Variants in DCP1A observed in about 807,000 individuals in gnomAD.
DCP1A encodes mRNA-decapping enzyme 1A.
A neutral mutation model predicts 58.0 loss-of-function variants in DCP1A; 20 were observed. The observed-to-expected ratio is 0.34, with a 90% CI of 0.24 to 0.50. The LOEUF is 0.50. DCP1A is among the 20% of genes least tolerant of loss of function. The pLI, the probability that DCP1A is intolerant of heterozygous loss-of-function variation, is 0.98. For synonymous variants in DCP1A, 285 were observed against 275.1 expected, an observed-to-expected ratio of 1.04 and a Z score of -0.36; for missense variants, 613 against 712.2, an observed-to-expected ratio of 0.86 and a Z score of 1.59.
Position 53,304,306 on chromosome 3 carries a change from AGAAAAAAATATATCTTGT to A in DCP1A, c.511-34_511-17del, listed in dbSNP as rs1188268635. ...CCATCTGATTCTTTAAAAAGTTAAA[AGAAAAAAATATATCTTGT>A]GAAAAAAATTTGCTATTATTTGGCT... On this transcript the variant is annotated splice_polypyrimidine_tract_variant and intron_variant, in intron 5 of 9. Coordinates refer to ENST00000610213, the MANE Select transcript of DCP1A (RefSeq NM_018403.7). 20 of 1,582,362 alleles carry A rather than the reference AGAAAAAAATATATCTTGT, an allele frequency of 1.3e-5. No individual in the cohort carries two copies. In the African/African-American group the frequency reaches 2.6e-4, roughly 20 times the overall value.
intron 3 of DCP1A, among the ~76,000 whole-genome samples, chr3:53,323,584 G>A (rs1553690255): frequency 6.6e-6 from 1 of 152,072 alleles, no homozygotes; most frequent in Non-Finnish European, 1.5e-5. Flanking sequence ...TTTATGATAT[G>A]CGGCCGGGTG....
chr3:53,301,397 G>A (rs982672373), intron 6 of DCP1A, among the ~76,000 whole-genome samples: 12 of 151,848 alleles, frequency 7.9e-5, no homozygotes, highest in Admixed American at 5.3e-4. Flanking sequence ...TCAGCCTCCC[G>A]AATAGCTGGG....
At chr3:53,318,458 A>G (rs965894036) in intron 4 of DCP1A, among the ~76,000 whole-genome samples, 10 of 152,304 alleles carry the variant, frequency 6.6e-5, no homozygotes, top group Middle Eastern at 3.4e-3. Flanking sequence ...GGGGGGAGAG[A>G]GGTCCACATT....
intron 3 of DCP1A, among the ~76,000 whole-genome samples, chr3:53,337,060 TG>T (rs2089130128): frequency 6.6e-6 from 1 of 151,880 alleles, no homozygotes; most frequent in Non-Finnish European, 1.5e-5. Flanking sequence ...TTAGTAGAGA[TG>T]GGGTTTCGCC....
At chr3:53,295,727 G>A (rs1425176109) in intron 6 of DCP1A, among the ~76,000 whole-genome samples, 1 of 152,078 alleles carries the variant, frequency 6.6e-6, no homozygotes, top group Non-Finnish European at 1.5e-5. Context: ...GTGAGCCATT[G>A]AGCCCAGCAT....
At chr3:53,307,004 T>C (rs1299167723) in intron 5 of DCP1A, among the ~76,000 whole-genome samples, 1 of 148,626 alleles carries the variant, frequency 6.7e-6, no homozygotes, top group Non-Finnish European at 1.5e-5. Context: ...TGGCGCAATC[T>C]TGGCTCACTG....
chr3:53,292,919 T>A (rs1362414408), intron 6 of DCP1A, 92 bp from the exon 7 acceptor site: 1 of 1,305,280 alleles, frequency 7.7e-7, no homozygotes, highest in African/African-American at 1.5e-5. Context: ...TTTTGCAGAA[T>A]CAAGGATGGA....
intron 4 of DCP1A, among the ~76,000 whole-genome samples, chr3:53,318,909 C>G (rs1480141847): frequency 6.6e-6 from 1 of 152,144 alleles, no homozygotes; most frequent in African/African-American, 2.4e-5. Flanking sequence ...CTGCACAGAA[C>G]CTAAATCAGA....
intron 4 of DCP1A, among the ~76,000 whole-genome samples, chr3:53,317,928 T>A (rs1253629451): frequency 6.6e-6 from 1 of 152,202 alleles, no homozygotes; most frequent in East Asian, 1.9e-4. Flanking sequence ...CAGGACATGT[T>A]AGTAGTCTTA....
chr3:53,320,649 A>G (rs1553689810), intron 3 of DCP1A, among the ~76,000 whole-genome samples: 1 of 152,148 alleles, frequency 6.6e-6, no homozygotes, highest in Non-Finnish European at 1.5e-5. Flanking sequence ...GTTTCCTCCA[A>G]TGGTAACATT....
intron 4 of DCP1A, among the ~76,000 whole-genome samples, chr3:53,318,687 C>G (rs1707880954): frequency 1.3e-5 from 2 of 152,148 alleles, no homozygotes; most frequent in Non-Finnish European, 2.9e-5. Context: ...ATGAACTGCC[C>G]TTTAGAACAT....
chr3:53,333,556 C>T (rs1553691569), intron 3 of DCP1A, among the ~76,000 whole-genome samples: 2 of 152,006 alleles, frequency 1.3e-5, no homozygotes, highest in African/African-American at 2.4e-5. Context: ...GTAATCCTAG[C>T]ACTTTGGGAG....
At chr3:53,336,675 C>G (rs1404450844) in intron 3 of DCP1A, among the ~76,000 whole-genome samples, 1 of 152,114 alleles carries the variant, frequency 6.6e-6, no homozygotes, top group African/African-American at 2.4e-5. Context: ...ACATTTGCTT[C>G]TGCCAGATGC....
At chr3:53,322,450 T>C (rs1707996051) in intron 3 of DCP1A, among the ~76,000 whole-genome samples, 1 of 148,944 alleles carries the variant, frequency 6.7e-6, no homozygotes, top group African/African-American at 2.5e-5. Context: ...AAACTCTGTC[T>C]CAGAAAAAAA....
intron 5 of DCP1A, 57 bp from the exon 6 acceptor site, chr3:53,304,347 G>T: frequency 1.5e-6 from 2 of 1,316,348 alleles, no homozygotes; most frequent in Non-Finnish European, 2.2e-6. Context: ...CTATTATTTG[G>T]CTCACAAAAC....
rs371681909 is a variant in DCP1A at position 53,318,551 on chromosome 3, A to G, written c.371+856T>C. Reference sequence around the variant, plus strand: ...CTACCTATTATAGCATTTTGCCCAGAGCTCTGTAGTCCCTCAGGCCCCCTG... The same window carrying G: ...CTACCTATTATAGCATTTTGCCCAGGGCTCTGTAGTCCCTCAGGCCCCCTG... On this transcript the variant is annotated intron_variant, in intron 4 of 9. Transcript: ENST00000610213. Among the ~76,000 whole-genome samples the G allele has an allele frequency of 4.6e-5, 7 of 152,234 alleles. No individual in the cohort carries two copies. In the East Asian group the frequency reaches 1.4e-3, roughly 29 times the overall value.
At chr3:53,309,361 C>A (rs752660822) in intron 5 of DCP1A, among the ~76,000 whole-genome samples, 1 of 144,428 alleles carries the variant, frequency 6.9e-6, no homozygotes, top group Non-Finnish European at 1.5e-5. Flanking sequence ...CAGAGCGAGA[C>A]TCCATCTCAA....
At position 53,315,968 on chromosome 3, in the gene DCP1A, A is replaced by G. The variant is rs1004942104; in HGVS notation, c.371+3439T>C. ...ACGAGGTTTCACCATATTGGCCAGG[A>G]TGGTCTCGATCTCCTGACCTCGTGA... On this transcript the variant is annotated intron_variant, in intron 4 of 9. Coordinates refer to ENST00000610213, the MANE Select transcript of DCP1A (RefSeq NM_018403.7). Among the ~76,000 whole-genome samples the G allele has an allele frequency of 4.0e-5, 6 of 151,826 alleles. No homozygotes were observed. In the East Asian group the frequency reaches 1.2e-3, roughly 30 times the overall value.
chr3:53,320,855 T>C (rs1707944253), intron 3 of DCP1A, among the ~76,000 whole-genome samples: 1 of 152,220 alleles, frequency 6.6e-6, no homozygotes, highest in Non-Finnish European at 1.5e-5. Flanking sequence ...GAGTATTATA[T>C]TACATAAATG....
Sources: gnomAD v4.1 joint callset for allele counts (sites outside exome capture counted in the v4.1 genomes callset) on GRCh38, gnomAD v4.1.1 for gene constraint, MANE v1.5 for transcripts, NCBI Gene and HGNC (gene_info 2026-07-23, HGNC 2026-07-21) for gene names.